Variants in UGT1A10 observed in about 807,000 individuals in gnomAD.
UGT1A10 encodes the protein UDP-glucuronosyltransferase 1A10.
In UGT1A10, 49 loss-of-function variants were observed where a neutral mutation model predicts 45.8. The observed-to-expected ratio is 1.07, with a 90% CI of 0.85 to 1.36. The LOEUF (loss-of-function observed/expected upper bound fraction) is 1.36. Among genes scored for constraint, UGT1A10 ranks in the 40% most tolerant of loss-of-function variants. The pLI, the probability that UGT1A10 is intolerant of heterozygous loss-of-function variation, is 0.00. For synonymous variants in UGT1A10, 284 were observed against 249.7 expected (o/e 1.14, Z -1.29); for missense variants, 745 against 668.6 (o/e 1.11, Z -1.26).
intron 1 of UGT1A10, chr2:233,691,124 A>G (rs1305698863): frequency 2.0e-6 from 2 of 985,838 alleles, no homozygotes; most frequent in African/African-American, 3.5e-5. Context: ...TGCTTAAGCC[A>G]TTCTTCCTCT....
At chr2:233,709,237 G>A (rs1333156053) in intron 1 of UGT1A10, among the ~76,000 whole-genome samples, 2 of 152,106 alleles carry the variant, frequency 1.3e-5, no homozygotes, top group African/African-American at 2.4e-5. Context: ...AGGGGTGGCC[G>A]CTGGGATGAG....
intron 1 of UGT1A10, among the ~76,000 whole-genome samples, chr2:233,737,957 G>A (rs779523802): frequency 7.9e-5 from 12 of 151,950 alleles, no homozygotes; most frequent in Non-Finnish European, 1.6e-4. Context: ...CCCAACATGA[G>A]GTCACACTAG....
intron 1 of UGT1A10, among the ~76,000 whole-genome samples, chr2:233,652,633 A>T (rs1394228323): frequency 6.6e-6 from 1 of 152,238 alleles, no homozygotes; most frequent in Non-Finnish European, 1.5e-5. Flanking sequence ...CATGCAGATC[A>T]GTAGAACGGA....
At chr2:233,738,152 A>T (rs1172003617) in intron 1 of UGT1A10, among the ~76,000 whole-genome samples, 1 of 152,050 alleles carries the variant, frequency 6.6e-6, no homozygotes, top group African/African-American at 2.4e-5. Flanking sequence ...CTTGCAAGCT[A>T]TTCCTCTTTC....
At chr2:233,695,151 G>C (rs1363691382) in intron 1 of UGT1A10, among the ~76,000 whole-genome samples, 1 of 74,088 alleles carries the variant, frequency 1.3e-5, no homozygotes, top group Non-Finnish European at 2.9e-5. Flanking sequence ...TTTTGAGACA[G>C]AGTCTCACTC....
chr2:233,767,712 C>G (rs1699458163), intron 2 of UGT1A10, 137 bp from the exon 3 acceptor site: 1 of 1,533,444 alleles, frequency 6.5e-7, no homozygotes, highest in African/African-American at 1.4e-5. Flanking sequence ...CCTCAGAAGC[C>G]TTCACAGTTA....
At chr2:233,737,640 G>A (rs1245829598) in intron 1 of UGT1A10, among the ~76,000 whole-genome samples, 6 of 152,138 alleles carry the variant, frequency 3.9e-5, no homozygotes, top group African/African-American at 7.2e-5. Context: ...CTTCTGCGTC[G>A]ATCATGCTGG....
At chr2:233,656,233 A>C (rs530358691) in intron 1 of UGT1A10, among the ~76,000 whole-genome samples, 2 of 152,176 alleles carry the variant, frequency 1.3e-5, no homozygotes, top group Non-Finnish European at 2.9e-5. Flanking sequence ...ATTTAAATGG[A>C]TTACAATTAG....
intron 1 of UGT1A10, among the ~76,000 whole-genome samples, chr2:233,757,621 A>T (rs1696682030): frequency 6.7e-6 from 1 of 149,382 alleles, no homozygotes; most frequent in Non-Finnish European, 1.5e-5. Flanking sequence ...GCTAAAAGAT[A>T]CAAGGCAGAA....
chr2:233,769,419 A>C lies in UGT1A10; in HGVS notation c.1295+980A>C. The stretch of plus-strand genomic sequence containing the variant: ...TGCATATGTGCGTGTGCGTTTGTGC[A>C]TGTGGCTGTGCTCATGTGTGGGTGC... On this transcript the variant is annotated intron_variant, in intron 4 of 4. Coordinates refer to ENST00000344644, the MANE Select transcript of UGT1A10 (RefSeq NM_019075.4). This position sits in a 1 kb window ranked among gnomAD's most constrained non-coding sequence, Gnocchi z 4.4. 1.4e-6 allele frequency: 2 copies of C among 1,450,006 alleles called. No individual in the cohort carries two copies. The highest frequency in any genetic ancestry group is 9.6e-7 in the Non-Finnish European group (1 of 1,044,304). 89.8% of individuals were successfully genotyped at this position (1,450,006 alleles called of 1,614,324 possible).
In UGT1A10 at chr2:233,772,291, G is replaced by C; in HGVS notation, c.1325G>C (p.Ser442Thr). Residue 442 changes from serine (S) to threonine (T), a missense_variant, in exon 5 of 5, where the codon AGC becomes ACC. Physicochemically the swap from Ser to Thr is moderately conservative, Grantham distance 58. Transcript: ENST00000344644. ...SYKENIMRLS[S>T]LHKDRPVEPL... ...AAGGAGAACATCATGCGCCTCTCCA[G>C]CCTTCACAAGGACCGCCCGGTGGAG... 1 of 1,614,230 alleles carries C rather than the reference G, an allele frequency of 6.2e-7. No individual in the cohort carries two copies. The highest frequency in any genetic ancestry group is 8.5e-7 in the Non-Finnish European group (1 of 1,180,052).
chr2:233,706,273 C>T (rs549440001), intron 1 of UGT1A10, among the ~76,000 whole-genome samples: 5 of 152,218 alleles, frequency 3.3e-5, no homozygotes, highest in African/African-American at 7.2e-5. Flanking sequence ...TGCCCAACCT[C>T]AGGGGTGGGG....
rs115260898 is a variant in UGT1A10 at position 233,657,822 on chromosome 2, A to T, written c.855+20445A>T. 8.3e-3 allele frequency among the ~76,000 whole-genome samples: 1,258 copies of T among 152,274 alleles called. 9 individuals are homozygous for T. The highest frequency in any genetic ancestry group is 0.028 in the African/African-American group (1,182 of 41,538). ...TGTTCTTTGGTAAATGTTCAGGTCTATGCCACTTTTTAAGAAATTGGGTTT... is the reference window on the plus strand; with the variant it reads ...TGTTCTTTGGTAAATGTTCAGGTCTTTGCCACTTTTTAAGAAATTGGGTTT... On this transcript the variant is annotated intron_variant, in intron 1 of 4. Transcript: ENST00000344644.
intron 1 of UGT1A10, among the ~76,000 whole-genome samples, chr2:233,695,869 A>C (rs1462453921): frequency 6.6e-6 from 1 of 152,204 alleles, no homozygotes; most frequent in Non-Finnish European, 1.5e-5. Flanking sequence ...AACAACAAAC[A>C]ACGCAGAAAA....
chr2:233,751,206 C>G (rs1365392073), intron 1 of UGT1A10, among the ~76,000 whole-genome samples: 1 of 151,962 alleles, frequency 6.6e-6, no homozygotes, highest in Non-Finnish European at 1.5e-5. Flanking sequence ...AATTTTGGAG[C>G]TTTAAGATTT....
intron 1 of UGT1A10, among the ~76,000 whole-genome samples, chr2:233,669,341 T>A (rs1396598765): frequency 6.6e-6 from 1 of 152,208 alleles, no homozygotes; most frequent in Non-Finnish European, 1.5e-5. Context: ...TTTGCCAATT[T>A]GTACAAAAAG....
At chr2:233,684,375 A>G (rs1165542041) in intron 1 of UGT1A10, among the ~76,000 whole-genome samples, 5 of 152,172 alleles carry the variant, frequency 3.3e-5, no homozygotes, top group Non-Finnish European at 7.3e-5. Flanking sequence ...TTTACCCTCC[A>G]TCAATTACAG....
At chr2:233,670,299 A>C (rs1212968693) in intron 1 of UGT1A10, among the ~76,000 whole-genome samples, 3 of 152,188 alleles carry the variant, frequency 2.0e-5, no homozygotes, top group Non-Finnish European at 4.4e-5. Context: ...CAGAGGGGGA[A>C]GAAGTGGAGG....
chr2:233,725,063 T>G (rs2077358237), intron 1 of UGT1A10, among the ~76,000 whole-genome samples: 1 of 146,678 alleles, frequency 6.8e-6, no homozygotes, highest in Non-Finnish European at 1.5e-5. Flanking sequence ...GGCGCGCGCC[T>G]GCAATCGCAG....
Sources: gnomAD v4.1 joint callset for allele counts (sites outside exome capture counted in the v4.1 genomes callset) on GRCh38, gnomAD v4.1.1 for gene constraint, Gnocchi (gnomAD v3.1) non-coding constraint, MANE v1.5 for transcripts, NCBI Gene and HGNC (gene_info 2026-07-23, HGNC 2026-07-21) for gene names.